Variants in PAK5 observed in about 807,000 individuals in gnomAD.
PAK5 encodes serine/threonine-protein kinase PAK 5.
A neutral mutation model predicts 65.9 loss-of-function variants in PAK5; 16 were observed. That is an observed-to-expected ratio of 0.24 (90% CI 0.16 to 0.37). The LOEUF is 0.37. Among genes scored for constraint, PAK5 ranks in the 10% least tolerant of loss-of-function variants. The pLI is 1.00. For synonymous variants in PAK5, 371 were observed against 354.9 expected (o/e 1.05, Z -0.51); for missense variants, 785 against 903.9 (o/e 0.87, Z 1.69).
chr20:9,638,192 C>A (rs533025771), intron 3 of PAK5, among the ~76,000 whole-genome samples: 1 of 152,340 alleles, frequency 6.6e-6, no homozygotes, highest in African/African-American at 2.4e-5. Flanking sequence ...CTGCCCTTTA[C>A]ATAATGCATC....
At chr20:9,800,967 A>G (rs931897082) in intron 1 of PAK5, among the ~76,000 whole-genome samples, 6 of 152,020 alleles carry the variant, frequency 3.9e-5, no homozygotes. Context: ...TGAAAATTCA[A>G]AGACTGCAGG....
chr20:9,831,682 A>AT (rs1978728534), intron 1 of PAK5, among the ~76,000 whole-genome samples: 1 of 152,056 alleles, frequency 6.6e-6, no homozygotes, highest in Non-Finnish European at 1.5e-5. Context: ...TAACTTTTGT[A>AT]TTTTTTGTAG....
At chr20:9,684,944 T>A (rs996381746) in intron 2 of PAK5, among the ~76,000 whole-genome samples, 15 of 152,198 alleles carry the variant, frequency 9.9e-5, no homozygotes, top group African/African-American at 2.9e-4. Context: ...CTAACCAGAT[T>A]TTCTCCTTTC....
intron 1 of PAK5, among the ~76,000 whole-genome samples, chr20:9,807,409 G>A (rs2049245870): frequency 6.6e-6 from 1 of 151,954 alleles, no homozygotes; most frequent in South Asian, 2.1e-4. Flanking sequence ...CATACGGCAG[G>A]GTGGAGCTTA....
intron 1 of PAK5, among the ~76,000 whole-genome samples, chr20:9,812,224 A>G (rs562579290): frequency 7.7e-4 from 118 of 152,266 alleles, no homozygotes; most frequent in African/African-American, 2.7e-3. Flanking sequence ...AAATATTTGA[A>G]TAACATACCT....
rs55690747 is a variant in PAK5 at position 9,739,228 on chromosome 20, C to CTTTTT, written c.-161-27798_-161-27794dup. On this transcript the variant is annotated intron_variant, in intron 1 of 9. Transcript: ENST00000353224. The stretch of plus-strand genomic sequence containing the variant: ...TCAACACAAGTTCTTTCTTTGCTTT[C>CTTTTT]TTTTTTTTTTTTTTAAATCACAGCT... Among the ~76,000 whole-genome samples, 862 of 145,708 alleles carry CTTTTT rather than the reference C, an allele frequency of 5.9e-3. 11 individuals carry two copies. The highest frequency in any genetic ancestry group is 0.019 in the African/African-American group (759 of 39,872).
intron 1 of PAK5, among the ~76,000 whole-genome samples, chr20:9,823,797 T>C (rs2049451912): frequency 1.3e-5 from 2 of 148,322 alleles, no homozygotes; most frequent in African/African-American, 4.9e-5. Context: ...TCTCGAATCC[T>C]TGCCTCAAGG....
intron 1 of PAK5, among the ~76,000 whole-genome samples, chr20:9,738,644 G>A (rs1401786188): frequency 6.6e-6 from 1 of 152,126 alleles, no homozygotes; most frequent in African/African-American, 2.4e-5. Flanking sequence ...GAAGATCAGT[G>A]GTTTCCTGGG....
intron 1 of PAK5, among the ~76,000 whole-genome samples, chr20:9,756,732 A>T (rs1245121380): frequency 2.6e-5 from 4 of 152,162 alleles, no homozygotes; most frequent in Non-Finnish European, 4.4e-5. Flanking sequence ...AACAATGTAT[A>T]TAGCTCATGT....
chr20:9,660,479 C>T (rs534775060), intron 2 of PAK5, among the ~76,000 whole-genome samples: 2 of 151,546 alleles, frequency 1.3e-5, no homozygotes, highest in South Asian at 4.2e-4. Context: ...CCTTATGGGG[C>T]TCTCATGATA....
chr20:9,695,923 T>C (rs2047862921), intron 2 of PAK5, among the ~76,000 whole-genome samples: 2 of 152,088 alleles, frequency 1.3e-5, no homozygotes, highest in African/African-American at 4.8e-5. Context: ...AAATGAAATG[T>C]GAGTCATACA....
rs906208716 is a variant in PAK5, at chr20:9,537,589, T to C, written c.*1873A>G. 1 of 211,042 alleles carries C rather than the reference T, an allele frequency of 4.7e-6. No individual in the cohort carries two copies. The highest frequency in any genetic ancestry group is 2.3e-5 in the African/African-American group (1 of 44,004). 13.1% of individuals were successfully genotyped at this position (211,042 alleles called of 1,614,324 possible). A position where few individuals can be genotyped will look rare whatever the true frequency, so the allele number is the denominator to read the frequency against. ...CAAAATCCACTATTTTCTGCAATAG[T>C]TTTTAATGTTTATTCTGGTTTAAAA... is the stretch of plus-strand genomic sequence containing the variant. On this transcript the variant is annotated 3_prime_UTR_variant, in exon 10 of 10. Transcript: ENST00000353224.
rs758811708 is a variant in PAK5, at chr20:9,667,349, T to TCCCAAC, written c.-11-23011_-11-23010insGTTGGG. On this transcript the variant is annotated intron_variant, in intron 2 of 9. Coordinates refer to ENST00000353224, the MANE Select transcript of PAK5 (RefSeq NM_177990.4). Reference sequence around the variant, plus strand: ...GCCTATAGTGACTGTGGCAGAGTTATGCTTTGCCAGTCTGTGTTCAGGCCC... The same window carrying TCCCAAC: ...GCCTATAGTGACTGTGGCAGAGTTATCCCAACGCTTTGCCAGTCTGTGTTCAGGCCC... 8.0e-4 allele frequency among the ~76,000 whole-genome samples: 116 copies of TCCCAAC among 144,874 alleles called. 10 individuals are homozygous for TCCCAAC. The highest frequency in any genetic ancestry group is 1.9e-3 in the East Asian group (8 of 4,226).
chr20:9,772,798 T>G (rs6141033), intron 1 of PAK5, among the ~76,000 whole-genome samples: 48,587 of 152,134 alleles, frequency 0.32, 7,847 homozygotes, highest in Middle Eastern at 0.47. Flanking sequence ...GGCATCCCTA[T>G]TCTTCTTGGC....
chr20:9,545,254 G>C (rs897046477), intron 7 of PAK5, among the ~76,000 whole-genome samples: 1 of 152,240 alleles, frequency 6.6e-6, no homozygotes, highest in South Asian at 2.1e-4. Context: ...TTCTTTCCTA[G>C]AGCTCATGTA....
rs896143226 is a variant in PAK5, at chr20:9,838,320, G to A, written c.-162+442C>T. Among the ~76,000 whole-genome samples, 2 of 152,124 alleles carry A rather than the reference G, an allele frequency of 1.3e-5. No homozygotes were observed. Among genetic ancestry groups the A allele is most frequent in the Non-Finnish European group, 2.9e-5 (2 of 68,028 alleles). On this transcript the variant is annotated intron_variant, in intron 1 of 9. Transcript: ENST00000353224. The surrounding 1 kb of genome is among the most constrained non-coding windows in gnomAD (Gnocchi z 4.5). ...AAAAACCATGCGGGAATCCTGCTCTGGCAATATGTCCAACACTTCTCGGGA... is the reference window on the plus strand; with the variant it reads ...AAAAACCATGCGGGAATCCTGCTCTAGCAATATGTCCAACACTTCTCGGGA...
chr20:9,720,337 A>C (rs1369586471), intron 1 of PAK5, among the ~76,000 whole-genome samples: 1 of 152,196 alleles, frequency 6.6e-6, no homozygotes, highest in Non-Finnish European at 1.5e-5. Flanking sequence ...GACCAAAAAA[A>C]CACAAACCCT....
At chr20:9,578,225 C>G (rs1191215270) in intron 4 of PAK5, among the ~76,000 whole-genome samples, 1 of 152,098 alleles carries the variant, frequency 6.6e-6, no homozygotes, top group Admixed American at 6.6e-5. Context: ...CTCAGTTTCC[C>G]CTTCTAGGAA....
intron 1 of PAK5, among the ~76,000 whole-genome samples, chr20:9,746,614 T>A (rs975172008): frequency 1.3e-5 from 2 of 152,162 alleles, no homozygotes; most frequent in African/African-American, 4.8e-5. Flanking sequence ...AATTATGCAC[T>A]AATTCATTAG....
Sources: gnomAD v4.1 joint callset for allele counts (sites outside exome capture counted in the v4.1 genomes callset) on GRCh38, gnomAD v4.1.1 for gene constraint, Gnocchi (gnomAD v3.1) non-coding constraint, MANE v1.5 for transcripts, NCBI Gene and HGNC (gene_info 2026-07-23, HGNC 2026-07-21) for gene names.